The following MUC13 variants were observed in gnomAD, a reference collection of about 807,000 sequenced individuals.
The protein encoded by MUC13 is mucin-13.
In MUC13, 32 loss-of-function variants were observed where a neutral mutation model predicts 48.3. The observed-to-expected ratio is 0.66, with a 90% confidence interval of 0.50 to 0.89. The LOEUF (loss-of-function observed/expected upper bound fraction) is 0.89, where lower values mean the gene tolerates loss of function less well. MUC13 is among the 40% of genes least tolerant of loss of function. The pLI, the probability that MUC13 is intolerant of heterozygous loss-of-function variation, is 0.00. For synonymous variants in MUC13, 199 were observed against 224.9 expected, an observed-to-expected ratio of 0.88 and a Z score of 1.03; for missense variants, 571 against 622.8, an observed-to-expected ratio of 0.92 and a Z score of 0.88.
Position 124,922,278 on chromosome 3 carries a change from T to C in MUC13, c.663A>G (p.Ser221=), listed in dbSNP as rs746641455. The C allele has an allele frequency of 1.9e-6, 3 of 1,613,948 alleles. No homozygotes were observed. Among genetic ancestry groups the C allele is most frequent in the African/African-American group, 2.7e-5 (2 of 74,940 alleles). The change falls in exon 4 of 12, where the codon TCA becomes TCG. Residue 221 remains serine (S), a synonymous_variant. Transcript: ENST00000616727. ...GGTCAAATGTTTCTGATACTGTCAC[T>C]GAAATCTTCCCAGGGAATACCTTTC... ...KKGKVFPGKI[S]VTVSETFDPE... is the part of the protein sequence containing the mutation.
At chr3:124,912,951 A>C (rs1935448524) in intron 8 of MUC13, among the ~76,000 whole-genome samples, 160 bp downstream of exon 8, 1 of 151,696 alleles carries the variant, frequency 6.6e-6, no homozygotes, top group Non-Finnish European at 1.5e-5. Flanking sequence ...AAAAAAAAAA[A>C]AAAAAAACTA....
In MUC13 at chr3:124,910,524, C is replaced by T. The variant is rs746596166; in HGVS notation, c.1253-25G>A. ...TCTGAAAGGAAGAAGAAAATAAGAA[C>T]AGTCTCCAACAAGCTGGCCCCCAAC... On this transcript the variant is annotated intron_variant, in intron 9 of 11. Transcript: ENST00000616727. 5.6e-6 allele frequency: 9 copies of T among 1,613,254 alleles called. No homozygotes were observed. The South Asian group carries it at 9.9e-5, about 18-fold the overall frequency.
At chr3:124,931,584 C>T (rs1235063911) in intron 1 of MUC13, among the ~76,000 whole-genome samples, 1 of 149,958 alleles carries the variant, frequency 6.7e-6, no homozygotes, top group Non-Finnish European at 1.5e-5. Context: ...GCCATCTCTA[C>T]CAAAAATGCA....
At chr3:124,932,691 T>C (rs1305776126) in intron 1 of MUC13, among the ~76,000 whole-genome samples, 2 of 152,170 alleles carry the variant, frequency 1.3e-5, no homozygotes, top group African/African-American at 4.8e-5. Flanking sequence ...CTTTGTCTCA[T>C]TTAATCCTCT....
chr3:124,922,641 C>G, intron 3 of MUC13, among the ~76,000 whole-genome samples: 1 of 3,944 alleles, frequency 2.5e-4, no homozygotes, highest in South Asian at 6.3e-3. Flanking sequence ...GGGTCTTGCT[C>G]TATCACCCAG....
intron 3 of MUC13, among the ~76,000 whole-genome samples, chr3:124,922,719 C>T (rs1306754170): frequency 6.6e-6 from 1 of 152,278 alleles, no homozygotes; most frequent in African/African-American, 2.4e-5. Context: ...ATCCTCCTGC[C>T]TTGGCCTCCC....
intron 5 of MUC13, 173 bp downstream of exon 5, chr3:124,920,061 G>C: frequency 3.0e-6 from 2 of 676,002 alleles, no homozygotes; most frequent in East Asian, 5.7e-5. Context: ...GGTGACATCA[G>C]AGGCAGGGCC....
chr3:124,919,196 G>T (rs1020297850), intron 5 of MUC13, among the ~76,000 whole-genome samples: 2 of 151,854 alleles, frequency 1.3e-5, no homozygotes, highest in African/African-American at 4.8e-5. Flanking sequence ...ATTAGGCTGG[G>T]CGTGGTGGTG....
chr3:124,920,999 G>A (rs779634660), intron 4 of MUC13, among the ~76,000 whole-genome samples: 13 of 152,302 alleles, frequency 8.5e-5, no homozygotes, highest in South Asian at 2.1e-4. Flanking sequence ...CTGTGCAGTC[G>A]GAAGCACTAG....
Position 124,927,632 on chromosome 3 carries a change from T to A in MUC13, c.414A>T (p.Thr138=). The A allele has an allele frequency of 6.2e-7, 1 of 1,614,266 alleles. No homozygotes were observed. Among genetic ancestry groups the A allele is most frequent in the Non-Finnish European group, 8.5e-7 (1 of 1,180,042 alleles). ...DGLITMVPSE[T]QSNNEMSPTT... is the part of the protein sequence containing the mutation. ...TGGGGGACATTTCATTGTTACTTTG[T>A]GTTTCAGAAGGAACCATTGTGATTA... The change falls in exon 2 of 12, where the codon ACA becomes ACT. Residue 138 remains threonine, a synonymous_variant. Transcript: ENST00000616727.
Position 124,927,835 on chromosome 3 carries a change from G to T in MUC13, c.211C>A (p.Pro71Thr). 2 of 1,613,974 alleles carry T rather than the reference G, an allele frequency of 1.2e-6. No individual in the cohort carries two copies. Among genetic ancestry groups the T allele is most frequent in the Non-Finnish European group, 1.7e-6 (2 of 1,180,000 alleles). ...GAACTATGTGTACTAATTATGGGGG[G>T]AGCAGGTGAAGTAGCTGTTGGGAAA... ...PSFPTATSPA[P>T]PIISTHSSST... is the part of the protein sequence containing the mutation. Residue 71 changes from proline (P) to threonine (T), a missense_variant, in exon 2 of 12, where the codon CCC becomes ACC. Pro to Thr is a conservative substitution (Grantham distance 38). Coordinates refer to ENST00000616727, the MANE Select transcript of MUC13 (RefSeq NM_033049.4).
At chr3:124,915,284 G>T (rs111823448) in intron 6 of MUC13, among the ~76,000 whole-genome samples, 7 of 152,274 alleles carry the variant, frequency 4.6e-5, no homozygotes, top group African/African-American at 1.7e-4. Flanking sequence ...TGTACCCCTT[G>T]GGCAGGGCCC....
At chr3:124,923,455 C>A (rs1366467808) in intron 3 of MUC13, 72 bp downstream of exon 3, 22 of 1,509,312 alleles carry the variant, frequency 1.5e-5, no homozygotes, top group Non-Finnish European at 1.9e-5. Context: ...CTTTTGCCAT[C>A]ATTTTGAGTT....
At chr3:124,915,159 T>G (rs1310413257) in intron 6 of MUC13, among the ~76,000 whole-genome samples, 2 of 152,208 alleles carry the variant, frequency 1.3e-5, no homozygotes, top group Admixed American at 6.5e-5. Context: ...GAGAACCAGC[T>G]GCAAACACCT....
At chr3:124,931,944 C>T (rs2107674822) in intron 1 of MUC13, among the ~76,000 whole-genome samples, 1 of 151,912 alleles carries the variant, frequency 6.6e-6, no homozygotes, top group East Asian at 1.9e-4. Context: ...ACTTGGGAAG[C>T]TGAGGCAGGA....
intron 1 of MUC13, among the ~76,000 whole-genome samples, chr3:124,931,871 C>A (rs548510439): frequency 6.6e-6 from 1 of 151,962 alleles, no homozygotes; most frequent in Non-Finnish European, 1.5e-5. Flanking sequence ...AGTGAAACCC[C>A]GTCTCTACTA....
At chr3:124,930,360 T>A (rs908386249) in intron 1 of MUC13, among the ~76,000 whole-genome samples, 38 of 147,492 alleles carry the variant, frequency 2.6e-4, no homozygotes, top group African/African-American at 9.2e-4. Flanking sequence ...GATTTTTTTT[T>A]AAACTAAAAT....
At position 124,924,608 on chromosome 3, in the gene MUC13, C is replaced by T. The variant is rs565975413; in HGVS notation, c.515-959G>A. ...TGAATAAAAGAAGGGAAGGATTATA[C>T]ACAAGCAAATATTTGCTTATATTTG... On this transcript the variant is annotated intron_variant, in intron 2 of 11. Coordinates refer to ENST00000616727, the MANE Select transcript of MUC13 (RefSeq NM_033049.4). 1.1e-4 allele frequency among the ~76,000 whole-genome samples: 16 copies of T among 152,228 alleles called. No individual in the cohort carries two copies. The South Asian group carries it at 2.5e-3, about 24-fold the overall frequency.
intron 1 of MUC13, among the ~76,000 whole-genome samples, chr3:124,931,228 T>C (rs1158101211): frequency 1.3e-5 from 2 of 150,672 alleles, no homozygotes; most frequent in Non-Finnish European, 3.0e-5. Context: ...ATCAAGAGAT[T>C]GTGACCATCC....
Sources: gnomAD v4.1 joint callset for allele counts (sites outside exome capture counted in the v4.1 genomes callset) on GRCh38, gnomAD v4.1.1 for gene constraint, MANE v1.5 for transcripts, NCBI Gene and HGNC (gene_info 2026-07-23, HGNC 2026-07-21) for gene names.